JAZF1: variants seen among roughly 807,000 people sequenced by gnomAD.
JAZF1 encodes the protein JAZF zinc finger 1, also known as juxtaposed with another zinc finger protein 1.
A neutral mutation model predicts 26.4 loss-of-function variants in JAZF1; 8 were observed. The observed-to-expected ratio is 0.30, with a 90% confidence interval of 0.18 to 0.55. The LOEUF (loss-of-function observed/expected upper bound fraction) is 0.55. Ranked by LOEUF, JAZF1 falls within the 20% of genes least tolerant of loss-of-function variation. JAZF1 has a pLI of 0.94. For synonymous variants in JAZF1, 126 were observed against 122.3 expected, an observed-to-expected ratio of 1.03 and a Z score of -0.20; for missense variants, 199 against 322.0, an observed-to-expected ratio of 0.62 and a Z score of 2.92.
intron 4 of JAZF1, among the ~76,000 whole-genome samples, chr7:27,834,399 G>T (rs1215043359): frequency 1.3e-5 from 2 of 152,312 alleles, no homozygotes; most frequent in African/African-American, 4.8e-5. Context: ...GTTGAACCCA[G>T]GGGTGCCAAG....
At chr7:28,111,112 G>T (rs1273018584) in intron 1 of JAZF1, among the ~76,000 whole-genome samples, 7 of 152,054 alleles carry the variant, frequency 4.6e-5, no homozygotes, top group Admixed American at 2.0e-4. Flanking sequence ...AGAAAATCTT[G>T]GTCTATTTTA....
At chr7:27,944,870 A>C (rs1038646476) in intron 2 of JAZF1, among the ~76,000 whole-genome samples, 2 of 152,118 alleles carry the variant, frequency 1.3e-5, no homozygotes, top group Admixed American at 1.3e-4. Flanking sequence ...GAAAAAAAAA[A>C]TTGGATCATT....
intron 1 of JAZF1, among the ~76,000 whole-genome samples, chr7:28,081,339 C>T (rs1376206153): frequency 6.6e-6 from 1 of 152,168 alleles, no homozygotes; most frequent in Non-Finnish European, 1.5e-5. Context: ...CCAACACCAA[C>T]ATGGGGGAAG....
intron 2 of JAZF1, among the ~76,000 whole-genome samples, chr7:27,906,498 A>G (rs1345248249): frequency 2.6e-5 from 4 of 152,370 alleles, no homozygotes; most frequent in African/African-American, 7.2e-5. Flanking sequence ...CAAATATTGT[A>G]TATTTTCTTC....
chr7:27,932,347 G>GC (rs1372418760), intron 2 of JAZF1, among the ~76,000 whole-genome samples: 1 of 152,160 alleles, frequency 6.6e-6, no homozygotes, highest in Non-Finnish European at 1.5e-5. Context: ...TGGCTCTATA[G>GC]CCTGTCACAG....
chr7:27,982,166 G>A (rs977961052), intron 2 of JAZF1, among the ~76,000 whole-genome samples: 1 of 152,210 alleles, frequency 6.6e-6, no homozygotes, highest in Non-Finnish European at 1.5e-5. Context: ...CCGCACCCAG[G>A]AAGTGCAAGA....
At chr7:27,836,314 G>T (rs1583422080) in intron 4 of JAZF1, among the ~76,000 whole-genome samples, 2 of 16,676 alleles carry the variant, frequency 1.2e-4, no homozygotes, top group Non-Finnish European at 2.7e-4. Context: ...GAACTTAGGT[G>T]GGGGGGGTTC....
intron 1 of JAZF1, among the ~76,000 whole-genome samples, chr7:28,071,119 A>G (rs1783968518): frequency 6.6e-6 from 1 of 152,228 alleles, no homozygotes; most frequent in Non-Finnish European, 1.5e-5. Flanking sequence ...CTGGAGAGCC[A>G]GAATCCCTGT....
intron 2 of JAZF1, among the ~76,000 whole-genome samples, chr7:27,910,070 A>G (rs1357068918): frequency 2.6e-5 from 4 of 152,206 alleles, no homozygotes; most frequent in Non-Finnish European, 5.9e-5. Context: ...TATACCATTG[A>G]ATGACACTGA....
intron 1 of JAZF1, among the ~76,000 whole-genome samples, chr7:28,091,385 T>A (rs1174904683): frequency 1.3e-5 from 2 of 151,824 alleles, no homozygotes; most frequent in African/African-American, 4.8e-5. Context: ...TTATGAGGCA[T>A]TTTCCCTTGC....
At chr7:27,931,488 C>T (rs1260951282) in intron 2 of JAZF1, among the ~76,000 whole-genome samples, 2 of 152,206 alleles carry the variant, frequency 1.3e-5, no homozygotes, top group South Asian at 4.1e-4. Context: ...TACCTTGGCA[C>T]AGCAATGTGT....
At chr7:28,176,408 T>C (rs1783552191) in intron 1 of JAZF1, among the ~76,000 whole-genome samples, 1 of 152,204 alleles carries the variant, frequency 6.6e-6, no homozygotes, top group African/African-American at 2.4e-5. Flanking sequence ...TGACTAACTC[T>C]CACACCTCCT....
intron 1 of JAZF1, among the ~76,000 whole-genome samples, chr7:28,113,249 C>T (rs771272879): frequency 3.9e-5 from 6 of 152,254 alleles, no homozygotes; most frequent in African/African-American, 1.4e-4. Context: ...TGGAAATGAT[C>T]GCCAGCCTCG....
intron 2 of JAZF1, among the ~76,000 whole-genome samples, chr7:27,909,597 C>T (rs998799802): frequency 2.0e-5 from 3 of 152,106 alleles, no homozygotes; most frequent in Non-Finnish European, 4.4e-5. Flanking sequence ...ATCCCAGCTA[C>T]TAGGGAGGCT....
At chr7:28,175,840 T>C (rs1354178694) in intron 1 of JAZF1, among the ~76,000 whole-genome samples, 1 of 152,236 alleles carries the variant, frequency 6.6e-6, no homozygotes, top group Non-Finnish European at 1.5e-5. Flanking sequence ...AACTGTACCT[T>C]AGTTTGCTCA....
At chr7:27,990,983 C>G (rs1785887711) in intron 2 of JAZF1, among the ~76,000 whole-genome samples, 1 of 152,124 alleles carries the variant, frequency 6.6e-6, no homozygotes, top group African/African-American at 2.4e-5. Flanking sequence ...ATAGAAGAAC[C>G]TGAAACTGAA....
At chr7:27,904,618 G>A (rs2128343722) in intron 2 of JAZF1, among the ~76,000 whole-genome samples, 1 of 151,986 alleles carries the variant, frequency 6.6e-6, no homozygotes, top group Middle Eastern at 3.4e-3. Context: ...TTCACGATCT[G>A]AGGCCCACGG....
chr7:27,850,448 G>A (rs895591191), intron 3 of JAZF1, among the ~76,000 whole-genome samples: 1 of 152,132 alleles, frequency 6.6e-6, no homozygotes, highest in Non-Finnish European at 1.5e-5. Context: ...ACTTCCATAG[G>A]ACTTTACACA....
At chr7:27,838,008 C>CTTTTTTTTT (rs34890301) in intron 4 of JAZF1, among the ~76,000 whole-genome samples, 3 of 143,594 alleles carry the variant, frequency 2.1e-5, no homozygotes, top group African/African-American at 2.6e-5. Context: ...CTTTGTCTGC[C>CTTTTTTTTT]TTTTTTTTTT....
Sources: allele counts gnomAD v4.1 joint callset (sites outside exome capture counted in the v4.1 genomes callset), GRCh38; gene constraint gnomAD v4.1.1; transcripts MANE v1.5; gene names NCBI Gene and HGNC (gene_info 2026-07-23, HGNC 2026-07-21).